Variants in PTPRD observed in about 807,000 individuals in gnomAD.
The protein encoded by PTPRD is receptor-type tyrosine-protein phosphatase delta.
Under a neutral mutation model 214.5 loss-of-function variants are expected in PTPRD, and 34 were observed. The ratio of observed to expected loss-of-function variants is 0.16; its 90% confidence interval spans 0.12 to 0.21. PTPRD has a LOEUF of 0.21. Among genes scored for constraint, PTPRD ranks in the 10% least tolerant of loss-of-function variants. The pLI is 1.00. For missense variants in PTPRD, 2,545 were observed against 2,398.7 expected, an observed-to-expected ratio of 1.06 and a Z score of -1.27; for synonymous variants, 1,128 against 845.7, an observed-to-expected ratio of 1.33 and a Z score of -5.79.
chr9:9,216,538 C>T (rs752383584), intron 9 of PTPRD, among the ~76,000 whole-genome samples: 16 of 152,104 alleles, frequency 1.1e-4, no homozygotes, highest in East Asian at 1.9e-4. Flanking sequence ...ACTACACAGC[C>T]GTCATCTTCC....
At chr9:9,736,125 G>A (rs1482269987) in intron 6 of PTPRD, among the ~76,000 whole-genome samples, 2 of 152,100 alleles carry the variant, frequency 1.3e-5, no homozygotes, top group Admixed American at 6.5e-5. Context: ...TGTTACCAGG[G>A]AGGGACAACA....
chr9:10,568,487 T>C (rs569684601), intron 2 of PTPRD, among the ~76,000 whole-genome samples: 3 of 152,058 alleles, frequency 2.0e-5, no homozygotes, highest in Non-Finnish European at 4.4e-5. Flanking sequence ...TACCCAGTAA[T>C]GGGATGGCTG....
At chr9:9,512,408 A>T (rs79322763) in intron 8 of PTPRD, among the ~76,000 whole-genome samples, 2 of 151,852 alleles carry the variant, frequency 1.3e-5, no homozygotes, top group Admixed American at 6.6e-5. Flanking sequence ...TATGCCCTTG[A>T]AAAGGTAGAA....
intron 2 of PTPRD, among the ~76,000 whole-genome samples, chr9:10,396,376 T>C (rs1300571202): frequency 1.3e-5 from 2 of 151,956 alleles, no homozygotes; most frequent in African/African-American, 2.4e-5. Flanking sequence ...CAATAGACCA[T>C]GTAATTCTTC....
intron 35 of PTPRD, among the ~76,000 whole-genome samples, chr9:8,418,526 G>A (rs1488283566): frequency 6.6e-6 from 1 of 151,728 alleles, no homozygotes; most frequent in Admixed American, 6.6e-5. Flanking sequence ...GTGTAGTCTA[G>A]AAAATGGCTA....
chr9:8,938,367 A>C (rs1427944095), intron 11 of PTPRD, among the ~76,000 whole-genome samples: 3 of 152,134 alleles, frequency 2.0e-5, no homozygotes, highest in African/African-American at 7.2e-5. Context: ...ACGGTTTCTG[A>C]GCTGAGTGAA....
At chr9:9,677,765 G>C (rs1422465708) in intron 7 of PTPRD, among the ~76,000 whole-genome samples, 2 of 152,096 alleles carry the variant, frequency 1.3e-5, no homozygotes, top group Non-Finnish European at 2.9e-5. Context: ...ATTAGGAAAA[G>C]AGGAAGTCAA....
intron 3 of PTPRD, among the ~76,000 whole-genome samples, chr9:10,314,956 T>A (rs567180691): frequency 6.6e-6 from 1 of 152,014 alleles, no homozygotes; most frequent in South Asian, 2.1e-4. Context: ...CAAGATAATA[T>A]AGATTTGTAC....
intron 9 of PTPRD, among the ~76,000 whole-genome samples, chr9:9,269,968 TATA>T: frequency 6.6e-6 from 1 of 150,478 alleles, no homozygotes; most frequent in Non-Finnish European, 1.5e-5. Context: ...ATCGATTTAA[TATA>T]ATATTAATTA....
At chr9:8,370,740 G>A (rs1485477948) in intron 39 of PTPRD, among the ~76,000 whole-genome samples, 5 of 152,006 alleles carry the variant, frequency 3.3e-5, no homozygotes, top group African/African-American at 4.8e-5. Context: ...TGCCCCCAAA[G>A]GGACAGCAGA....
intron 10 of PTPRD, among the ~76,000 whole-genome samples, chr9:9,082,248 G>C (rs2099760333): frequency 6.6e-6 from 1 of 151,968 alleles, no homozygotes; most frequent in Non-Finnish European, 1.5e-5. Context: ...ACATCAAAAA[G>C]CTTATCCACC....
At chr9:10,530,707 A>G (rs1162844404) in intron 2 of PTPRD, among the ~76,000 whole-genome samples, 1 of 152,176 alleles carries the variant, frequency 6.6e-6, no homozygotes, top group African/African-American at 2.4e-5. Flanking sequence ...CACAGGCTTA[A>G]TTTAGGAAAT....
At chr9:8,521,193 AT>A in intron 20 of PTPRD, 83 bp downstream of exon 20, 1 of 1,448,050 alleles carries the variant, frequency 6.9e-7, no homozygotes. Flanking sequence ...ATTATTTTAG[AT>A]TTTCAAGGAT....
At position 9,728,486 on chromosome 9, in the gene PTPRD, T is replaced by G. The variant is rs192057142; in HGVS notation, c.-287+6047A>C. ...TGAATGATGCTAGTTGGCATGTTGG[T>G]GGCATTTAAATTACTATGGATCCTA... is the stretch of plus-strand genomic sequence containing the variant. On this transcript the variant is annotated intron_variant, in intron 7 of 45. Transcript: ENST00000381196. 8.1e-3 allele frequency among the ~76,000 whole-genome samples: 1,227 copies of G among 152,292 alleles called. 13 individuals are homozygous for G. Among genetic ancestry groups the G allele is most frequent in the African/African-American group, 0.027 (1,118 of 41,548 alleles).
At chr9:9,292,345 G>A (rs184755835) in intron 9 of PTPRD, among the ~76,000 whole-genome samples, 30 of 151,250 alleles carry the variant, frequency 2.0e-4, no homozygotes, top group Non-Finnish European at 3.6e-4. Context: ...GTCACTTTCC[G>A]CATGATGTAG....
intron 11 of PTPRD, chr9:8,857,506 G>C (rs895923622): frequency 6.6e-6 from 1 of 152,202 alleles, no homozygotes; most frequent in Non-Finnish European, 1.5e-5. Flanking sequence ...CCCGGGCGCC[G>C]GGCTCGCGGA....
At chr9:8,489,642 C>T (rs1012678804) in intron 27 of PTPRD, among the ~76,000 whole-genome samples, 2 of 152,130 alleles carry the variant, frequency 1.3e-5, no homozygotes, top group Admixed American at 6.5e-5. Flanking sequence ...ATAATAGAAA[C>T]AGTAAATGCA....
chr9:10,303,335 A>T (rs2095929542), intron 3 of PTPRD, among the ~76,000 whole-genome samples: 1 of 152,194 alleles, frequency 6.6e-6, no homozygotes, highest in African/African-American at 2.4e-5. Flanking sequence ...ATACCCTAAC[A>T]TCACAATTAA....
At chr9:9,846,012 C>A (rs1259965886) in intron 5 of PTPRD, among the ~76,000 whole-genome samples, 3 of 152,104 alleles carry the variant, frequency 2.0e-5, no homozygotes, top group African/African-American at 7.2e-5. Context: ...GGATATTAAT[C>A]TACTTTTGTC....
Sources: allele counts gnomAD v4.1 joint callset (sites outside exome capture counted in the v4.1 genomes callset), GRCh38; gene constraint gnomAD v4.1.1; transcripts MANE v1.5; gene names NCBI Gene and HGNC (gene_info 2026-07-23, HGNC 2026-07-21).